Variants in TAAR5 observed in about 807,000 individuals in gnomAD.
The protein encoded by TAAR5 is trace amine-associated receptor 5.
A neutral mutation model predicts 21.1 loss-of-function variants in TAAR5; 27 were observed. The observed-to-expected ratio is 1.28, with a 90% CI of 0.94 to 1.76. The LOEUF (loss-of-function observed/expected upper bound fraction) is 1.76. TAAR5 is among the 40% of genes most tolerant of loss of function. TAAR5 has a pLI of 0.00. For missense variants in TAAR5, 495 were observed against 405.6 expected (o/e 1.22, Z -1.89); for synonymous variants, 203 against 167.5 (o/e 1.21, Z -1.64).
At chr6:132,598,540 C>T in the TAAR5 span, among the ~76,000 whole-genome samples, 10 of 152,178 alleles carry the variant, frequency 6.6e-5, no homozygotes, top group African/African-American at 1.9e-4. Flanking sequence ...TGTTGTCTGC[C>T]CTGCTCACAC....
At chr6:132,599,797 A>C in the TAAR5 span, among the ~76,000 whole-genome samples, 2 of 152,186 alleles carry the variant, frequency 1.3e-5, no homozygotes, top group African/African-American at 4.8e-5. Flanking sequence ...TGGGTTTATA[A>C]AACTTCTCTT....
the TAAR5 span, among the ~76,000 whole-genome samples, chr6:132,597,258 C>A: frequency 3.7e-4 from 56 of 152,082 alleles, no homozygotes; most frequent in African/African-American, 1.1e-3. Flanking sequence ...AATGGTTAAA[C>A]ATTTAAGTGT....
At chr6:132,609,121 A>G in the TAAR5 span, 15 of 421,394 alleles carry the variant, frequency 3.6e-5, no homozygotes, top group Non-Finnish European at 6.6e-5. Context: ...TATGGAAACC[A>G]TTATAACCAA....
At chr6:132,602,032 AT>A in the TAAR5 span, among the ~76,000 whole-genome samples, 8 of 152,218 alleles carry the variant, frequency 5.3e-5, no homozygotes, top group Non-Finnish European at 1.0e-4. Flanking sequence ...AATTTTTTAA[AT>A]TATGATTTTT....
chr6:132,615,339 C>T, the TAAR5 span, among the ~76,000 whole-genome samples: 1 of 152,058 alleles, frequency 6.6e-6, no homozygotes, highest in Non-Finnish European at 1.5e-5. Context: ...TAAAATGTTT[C>T]TGTTTACACT....
the TAAR5 span, chr6:132,608,113 A>T: frequency 1.7e-5 from 6 of 349,070 alleles, no homozygotes; most frequent in South Asian, 1.1e-4. Context: ...TAGGTGATAG[A>T]ACACTTAACG....
the TAAR5 span, among the ~76,000 whole-genome samples, chr6:132,602,126 G>A: frequency 1.3e-5 from 2 of 151,768 alleles, no homozygotes; most frequent in South Asian, 4.2e-4. Context: ...TTTAGCTGTA[G>A]TCTAAAGCAG....
Position 132,588,759 on chromosome 6 carries a change from G to A in TAAR5, c.928C>T (p.Gln310Ter), listed in dbSNP as rs752752538. 8 of 1,614,012 alleles carry A rather than the reference G, an allele frequency of 5.0e-6. No individual in the cohort carries two copies. The highest frequency in any genetic ancestry group is 6.8e-6 in the Non-Finnish European group (8 of 1,179,976). Reference sequence around the variant, plus strand: ...AGTTTCAGTGCCTTCCGAAACCACTGGTAGGAAAAGACATAGATGATGGGG... The same window carrying A: ...AGTTTCAGTGCCTTCCGAAACCACTAGTAGGAAAAGACATAGATGATGGGG... ...CNPIIYVFSY[Q>*]WFRKALKLTL... Residue 310 changes from glutamine (Q) to a stop codon, truncating the protein, a stop_gained, in exon 1 of 1, where the codon CAG becomes TAG. Coordinates refer to ENST00000258034, the MANE Select transcript of TAAR5 (RefSeq NM_003967.3). LOFTEE classifies it high-confidence loss of function.
the TAAR5 span, among the ~76,000 whole-genome samples, chr6:132,613,894 T>C: frequency 6.6e-6 from 1 of 152,204 alleles, no homozygotes; most frequent in Non-Finnish European, 1.5e-5. Context: ...TGTTCTCCTC[T>C]TCTAGGATCC....
At chr6:132,612,596 C>A in the TAAR5 span, among the ~76,000 whole-genome samples, 2 of 152,080 alleles carry the variant, frequency 1.3e-5, no homozygotes, top group Non-Finnish European at 2.9e-5. Flanking sequence ...TAGAAGAAAA[C>A]AAAAGTGGAA....
At chr6:132,599,258 T>C in the TAAR5 span, among the ~76,000 whole-genome samples, 9 of 151,482 alleles carry the variant, frequency 5.9e-5, no homozygotes, top group East Asian at 1.8e-3. Context: ...TTATTATTCA[T>C]CAACACCACA....
the TAAR5 span, chr6:132,608,217 T>C: frequency 1.0e-5 from 4 of 392,512 alleles, no homozygotes; most frequent in African/African-American, 8.4e-5. Context: ...TCATTTGCAA[T>C]ATTCTATTCA....
chr6:132,616,434 G>A, the TAAR5 span, among the ~76,000 whole-genome samples: 2 of 152,278 alleles, frequency 1.3e-5, no homozygotes, highest in Middle Eastern at 3.4e-3. Flanking sequence ...ATGTGGATGA[G>A]CCTACGGAGG....
the TAAR5 span, among the ~76,000 whole-genome samples, chr6:132,606,918 A>C: frequency 2.6e-5 from 4 of 152,256 alleles, no homozygotes; most frequent in Non-Finnish European, 4.4e-5. Context: ...GGCTGGGTGC[A>C]CTGGGGGTGG....
At chr6:132,597,536 A>G in the TAAR5 span, among the ~76,000 whole-genome samples, 16 of 152,180 alleles carry the variant, frequency 1.1e-4, no homozygotes, top group Admixed American at 1.0e-3. Context: ...TTTTATTTGG[A>G]GATTCGCCTT....
upstream of TAAR5, among the ~76,000 whole-genome samples, chr6:132,591,053 A>G (rs1282435758): frequency 6.6e-6 from 1 of 152,152 alleles, no homozygotes; most frequent in Non-Finnish European, 1.5e-5. Flanking sequence ...TGTGATGGTG[A>G]AAGAAAGCAT....
chr6:132,612,236 C>T, the TAAR5 span, among the ~76,000 whole-genome samples: 1 of 152,240 alleles, frequency 6.6e-6, no homozygotes, highest in Admixed American at 6.5e-5. Context: ...CCACTGGATT[C>T]TCAGTATCTA....
rs138987659 is a variant in TAAR5 at position 132,589,258 on chromosome 6, G to A, written c.429C>T (p.Pro143=). ...GAGCCACCCTCACTGTGAACTTGGA[G>A]GGATAGAGCAGGGGGTCACAGATGG... The part of the protein sequence containing the change: ...HCAICDPLLY[P]SKFTVRVALR... The change falls in exon 1 of 1, where the codon CCC becomes CCT. Residue 143 remains proline (P), a synonymous_variant. Coordinates refer to ENST00000258034, the MANE Select transcript of TAAR5 (RefSeq NM_003967.3). The A allele has an allele frequency of 5.3e-4, 846 of 1,609,150 alleles. 2 individuals are homozygous for A. Among genetic ancestry groups the A allele is most frequent in the Non-Finnish European group, 6.5e-4 (761 of 1,177,470 alleles).
Position 132,589,028 on chromosome 6 carries a change from A to G in TAAR5, c.659T>C (p.Val220Ala). Residue 220 changes from valine (V) to alanine (A), a missense_variant, in exon 1 of 1, where the codon GTG becomes GCG. Val to Ala is a moderately conservative substitution (Grantham distance 64). Transcript: ENST00000258034. ...TCTGGTAGCAACCACAAAGATCTTC[A>G]CATACAAGCTGATCATAATGAGGCA... is the stretch of plus-strand genomic sequence containing the variant. ...VPCLIMISLY[V>A]KIFVVATRQA... 6.2e-7 allele frequency: 1 copy of G among 1,614,086 alleles called. No homozygotes were observed. Among genetic ancestry groups the G allele is most frequent in the Non-Finnish European group, 8.5e-7 (1 of 1,179,990 alleles).
Sources: gnomAD v4.1 joint callset for allele counts (sites outside exome capture counted in the v4.1 genomes callset) on GRCh38, gnomAD v4.1.1 for gene constraint, MANE v1.5 for transcripts, NCBI Gene and HGNC (gene_info 2026-07-23, HGNC 2026-07-21) for gene names.